The following AAMDC variants were observed in gnomAD, a reference collection of about 807,000 sequenced individuals.
The protein encoded by AAMDC is mth938 domain-containing protein.
AAMDC carries 16 observed loss-of-function variants against 15.5 expected under a neutral mutation model. The observed-to-expected ratio is 1.03, with a 90% CI of 0.70 to 1.57. The LOEUF (loss-of-function observed/expected upper bound fraction) is 1.57, where lower values mean the gene tolerates loss of function less well. Ranked by LOEUF, AAMDC falls within the 40% of genes most tolerant of loss-of-function variation. The pLI is 0.00. For synonymous variants in AAMDC, 51 were observed against 51.6 expected (o/e 0.99, Z 0.05); for missense variants, 141 against 144.9 (o/e 0.97, Z 0.14).
chr11:77,822,618 C>A (rs1948969823), intron 1 of AAMDC, among the ~76,000 whole-genome samples: 1 of 151,918 alleles, frequency 6.6e-6, no homozygotes, highest in African/African-American at 2.4e-5. Context: ...GTGTATTATT[C>A]CCATTATCTA....
chr11:77,893,891 T>TTAAATAAATAAATAAATAAATAAATAAA (rs56269909), intron 5 of AAMDC, among the ~76,000 whole-genome samples: 1 of 137,868 alleles, frequency 7.3e-6, no homozygotes, highest in Non-Finnish European at 1.6e-5. Context: ...AGACTCTGTC[T>TTAAATAAATAAATAAATAAATAAATAAA]TAAATAAATA....
intron 3 of AAMDC, among the ~76,000 whole-genome samples, chr11:77,905,827 C>A (rs1203960935): frequency 1.3e-5 from 2 of 152,146 alleles, no homozygotes; most frequent in African/African-American, 4.8e-5. Context: ...TTATACCTTT[C>A]CCTTTATGAC....
chr11:77,842,470 T>A lies in AAMDC; in HGVS notation c.-18-9T>A, dbSNP rs754001995. ...TAACTGATTTAGTATATTTTTCTTTTAATTTCAGACTTCAGTGAAGTTCCT... is the reference window on the plus strand; with the variant it reads ...TAACTGATTTAGTATATTTTTCTTTAAATTTCAGACTTCAGTGAAGTTCCT... On this transcript the variant is annotated splice_polypyrimidine_tract_variant and intron_variant, in intron 1 of 3. Coordinates refer to ENST00000393427, the MANE Select transcript of AAMDC (RefSeq NM_024684.4). 1 of 1,608,390 alleles carries A rather than the reference T, an allele frequency of 6.2e-7. No individual in the cohort carries two copies. Among genetic ancestry groups the A allele is most frequent in the South Asian group, 1.1e-5 (1 of 90,196 alleles).
intron 2 of AAMDC, chr11:77,855,334 T>G (rs1184483737): frequency 6.6e-6 from 1 of 152,304 alleles, no homozygotes; most frequent in Non-Finnish European, 1.5e-5. Context: ...TCTTTTTTTG[T>G]TTTGAGACAG....
downstream of AAMDC, among the ~76,000 whole-genome samples, chr11:77,875,414 A>G (rs1410005707): frequency 1.3e-5 from 2 of 152,210 alleles, no homozygotes; most frequent in African/African-American, 4.8e-5. Flanking sequence ...TACTGTAGTT[A>G]CCAAGGTTTT....
At chr11:77,882,141 CTT>C (rs767317608) in intron 5 of AAMDC, among the ~76,000 whole-genome samples, 2 of 152,138 alleles carry the variant, frequency 1.3e-5, no homozygotes, top group Non-Finnish European at 2.9e-5. Flanking sequence ...GTCTCAGACT[CTT>C]GGGCTCAATC....
chr11:77,857,349 C>T (rs566754482), intron 2 of AAMDC, among the ~76,000 whole-genome samples: 1 of 152,200 alleles, frequency 6.6e-6, no homozygotes, highest in South Asian at 2.1e-4. Context: ...AGCTTACTGG[C>T]AGGAAAAACA....
At chr11:77,876,429 A>G (rs1195118875), downstream of AAMDC, among the ~76,000 whole-genome samples, 3 of 151,988 alleles carry the variant, frequency 2.0e-5, no homozygotes, top group African/African-American at 7.3e-5. Flanking sequence ...TTCAGTGAAA[A>G]AGTACAGAAT....
At chr11:77,901,475 A>C (rs1456393600), downstream of AAMDC, 1 of 1,613,830 alleles carries the variant, frequency 6.2e-7, no homozygotes, top group Non-Finnish European at 8.5e-7. Flanking sequence ...CTGCAGCCTC[A>C]TGTGATGTAT....
intron 3 of AAMDC, 148 bp from the exon 4 acceptor site, chr11:77,872,027 G>A: frequency 1.3e-6 from 1 of 781,626 alleles, no homozygotes; most frequent in Non-Finnish European, 1.9e-6. Flanking sequence ...GGGGCTCACT[G>A]CCAAATTTTG....
At chr11:77,835,810 A>G (rs1046542005) in intron 1 of AAMDC, among the ~76,000 whole-genome samples, 14 of 152,294 alleles carry the variant, frequency 9.2e-5, no homozygotes, top group Middle Eastern at 6.8e-3. Flanking sequence ...AATCCCAGCT[A>G]CAAGGGTGGC....
In AAMDC at chr11:77,822,906, A is replaced by C. The variant is rs558946510; in HGVS notation, c.-19+1665A>C. Among the ~76,000 whole-genome samples, 4 of 152,354 alleles carry C rather than the reference A, an allele frequency of 2.6e-5. No individual in the cohort carries two copies. The East Asian group carries it at 7.7e-4, about 29-fold the overall frequency. On this transcript the variant is annotated intron_variant, in intron 1 of 3. Transcript: ENST00000393427. The stretch of plus-strand genomic sequence containing the variant: ...TTTATGTTACATGTATTTTACGACA[A>C]TAAAAAAGCTTTTAAGAAATTAAAA...
At chr11:77,832,357 G>T (rs183032424) in intron 1 of AAMDC, among the ~76,000 whole-genome samples, 2 of 150,062 alleles carry the variant, frequency 1.3e-5, no homozygotes, top group African/African-American at 2.5e-5. Flanking sequence ...ACGGCGTTTC[G>T]CTCTTGTTGC....
chr11:77,830,196 GA>G (rs1949357925), intron 1 of AAMDC: 1 of 152,210 alleles, frequency 6.6e-6, no homozygotes, highest in African/African-American at 2.4e-5. Context: ...TCCAGTAAGA[GA>G]TTCATCTAGA....
In AAMDC at chr11:77,856,737, C is replaced by A. The variant is rs537190852; in HGVS notation, c.133-12985C>A. Among the ~76,000 whole-genome samples the A allele has an allele frequency of 9.2e-5, 14 of 152,282 alleles. 1 individual carries two copies. The highest frequency in any genetic ancestry group is 1.5e-5 in the Non-Finnish European group (1 of 68,034). ...ACACTTTAAACAACCAGATCTCACT[C>A]ACTATCATGAGAACAGCAAGGGGGA... On this transcript the variant is annotated intron_variant, in intron 2 of 3. Transcript: ENST00000393427.
chr11:77,885,619 G>A (rs1951971196), intron 5 of AAMDC, among the ~76,000 whole-genome samples: 1 of 151,938 alleles, frequency 6.6e-6, no homozygotes, highest in Non-Finnish European at 1.5e-5. Context: ...AGGAGTTCAA[G>A]ACCAGTCTGG....
intron 1 of AAMDC, among the ~76,000 whole-genome samples, chr11:77,834,320 A>G (rs1409110305): frequency 6.6e-6 from 1 of 152,210 alleles, no homozygotes; most frequent in Non-Finnish European, 1.5e-5. Context: ...AAGTTTCTAC[A>G]GAAGTAAACA....
chr11:77,842,773 G>C, intron 2 of AAMDC, 145 bp downstream of exon 2: 1 of 1,162,934 alleles, frequency 8.6e-7, no homozygotes, highest in Non-Finnish European at 1.2e-6. Flanking sequence ...CCCTTTTAAA[G>C]TATGCAATTC....
At chr11:77,873,921 G>A (rs1210455512), downstream of AAMDC, among the ~76,000 whole-genome samples, 1 of 152,196 alleles carries the variant, frequency 6.6e-6, no homozygotes, top group Non-Finnish European at 1.5e-5. Context: ...CAGCAGCAGT[G>A]GAAAGATGAT....
Sources: allele counts gnomAD v4.1 joint callset (sites outside exome capture counted in the v4.1 genomes callset), GRCh38; gene constraint gnomAD v4.1.1; transcripts MANE v1.5; gene names NCBI Gene and HGNC (gene_info 2026-07-23, HGNC 2026-07-21).